The following CAMSAP3 variants were observed in gnomAD, a reference collection of about 807,000 sequenced individuals.
The protein encoded by CAMSAP3 is calmodulin-regulated spectrin-associated protein 3.
In CAMSAP3, 34 loss-of-function variants were observed where a neutral mutation model predicts 112.5. The ratio of observed to expected loss-of-function variants is 0.30; its 90% CI spans 0.23 to 0.40. CAMSAP3 has a LOEUF of 0.40. Among genes scored for constraint, CAMSAP3 ranks in the 10% least tolerant of loss-of-function variants. CAMSAP3 has a pLI of 1.00. For missense variants in CAMSAP3, 1,602 were observed against 1,770.3 expected (o/e 0.90, Z 1.71); for synonymous variants, 868 against 799.8 (o/e 1.09, Z -1.44).
In CAMSAP3 at chr19:7,610,710, T is replaced by C; in HGVS notation, c.911T>C (p.Val304Ala). The C allele has an allele frequency of 6.2e-7, 1 of 1,613,924 alleles. No individual in the cohort carries two copies. Among genetic ancestry groups the C allele is most frequent in the Non-Finnish European group, 8.5e-7 (1 of 1,179,968 alleles). Residue 304 changes from valine to alanine, a missense_variant, in exon 7 of 17, where the codon GTG (valine) becomes GCG (alanine). This residue lies in a region of CAMSAP3 where 58 missense variants were observed against 108.4 expected (regional missense o/e 0.54). Transcript: ENST00000160298. The surrounding 1 kb of genome is among the most constrained non-coding windows in gnomAD (Gnocchi z 4.9). Reference protein sequence around the residue: ...YVPPPLKVNLVVMLAELFMCF... With the variant: ...YVPPPLKVNLAVMLAELFMCF... Reference sequence around the variant, plus strand: ...GCCTCCCACCTCCAGGTCAACTTGGTGGTGATGCTGGCCGAGTTGTTCATG... The same window carrying C: ...GCCTCCCACCTCCAGGTCAACTTGGCGGTGATGCTGGCCGAGTTGTTCATG...
At chr19:7,614,184 C>T (rs1217619089) in intron 11 of CAMSAP3, among the ~76,000 whole-genome samples, 2 of 137,548 alleles carry the variant, frequency 1.5e-5, no homozygotes, top group Non-Finnish European at 3.1e-5. Context: ...GGCGTGAACC[C>T]AGGAGGTGGA....
rs540252137 is a variant in CAMSAP3, at chr19:7,602,003, G to A, written c.149-3223G>A. Among the ~76,000 whole-genome samples the A allele has an allele frequency of 2.5e-4, 38 of 152,114 alleles. No homozygotes were observed. In the East Asian group the frequency reaches 6.0e-3, roughly 24 times the overall value. On this transcript the variant is annotated intron_variant, in intron 1 of 16. Coordinates refer to ENST00000160298, the MANE Select transcript of CAMSAP3 (RefSeq NM_020902.2). ...AGCTTGAACTTGGGAAGCAGAGGTC[G>A]CAGTGAGCCGAGATGGCACCACTGC... is the stretch of plus-strand genomic sequence containing the variant.
Position 7,606,376 on chromosome 19 carries a change from C to T in CAMSAP3, c.508C>T (p.Leu170Phe). The T allele has an allele frequency of 6.2e-7, 1 of 1,613,676 alleles. No individual in the cohort carries two copies. The highest frequency in any genetic ancestry group is 8.5e-7 in the Non-Finnish European group (1 of 1,179,900). The change falls in exon 3 of 17, where the codon CTT becomes TTT. Residue 170 changes from leucine (L) to phenylalanine (F), a missense_variant. Coordinates refer to ENST00000160298, the MANE Select transcript of CAMSAP3 (RefSeq NM_020902.2). ...CCTGACCAGCTTGGAGCACAAGCTG[C>T]TTTTCTGGGTGGACACGGTAGGTGG... Reference protein sequence around the residue: ...LALTSLEHKLLFWVDTTVRRL... With the variant: ...LALTSLEHKLFFWVDTTVRRL...
rs1343700273 is a variant in CAMSAP3, at chr19:7,612,686, C to T, written c.2193C>T (p.Pro731=). Residue 731 remains proline, a synonymous_variant, in exon 11 of 17, where the codon CCC becomes CCT. Transcript: ENST00000160298. The part of the protein sequence containing the change: ...TDQQQRLLAP[P]EAPGSAPPPA... ...AGCAGCAGCGGCTCCTGGCCCCGCC[C>T]GAGGCCCCCGGATCCGCCCCACCAC... is the stretch of plus-strand genomic sequence containing the variant. The T allele has an allele frequency of 5.3e-6, 8 of 1,512,738 alleles. No homozygotes were observed. The highest frequency in any genetic ancestry group is 7.1e-6 in the Non-Finnish European group (8 of 1,133,030). 93.7% of individuals were successfully genotyped at this position (1,512,738 alleles called of 1,614,324 possible).
Position 7,618,211 on chromosome 19 carries a change from T to G in CAMSAP3, c.*154T>G. ...TCTGACTTTGAGTCCAGTCCTGCTGTGGGGGCTGAGCTGGGAGGTTCAGGG... is the reference window on the plus strand; with the variant it reads ...TCTGACTTTGAGTCCAGTCCTGCTGGGGGGGCTGAGCTGGGAGGTTCAGGG... On this transcript the variant is annotated 3_prime_UTR_variant, in exon 17 of 17. Transcript: ENST00000160298. 1.2e-6 allele frequency: 1 copy of G among 810,226 alleles called. No homozygotes were observed. Among genetic ancestry groups the G allele is most frequent in the South Asian group, 1.8e-5 (1 of 55,170 alleles). The allele number at this position is 810,226 out of a possible 1,614,324, so 50.2% of individuals were successfully genotyped here.
Position 7,605,499 on chromosome 19 carries a change from G to C in CAMSAP3, c.402+20G>C, listed in dbSNP as rs539673453. 3 of 1,449,414 alleles carry C rather than the reference G, an allele frequency of 2.1e-6. No homozygotes were observed. Among genetic ancestry groups the C allele is most frequent in the Non-Finnish European group, 2.7e-6 (3 of 1,101,916 alleles). 89.8% of individuals were successfully genotyped at this position (1,449,414 alleles called of 1,614,324 possible). On this transcript the variant is annotated intron_variant, in intron 2 of 16. Transcript: ENST00000160298. ...CTCATGGTAGGCCCCGCCACTGCCTGTTAGACCACGCCTACCATGCTCAGC... is the reference window on the plus strand; with the variant it reads ...CTCATGGTAGGCCCCGCCACTGCCTCTTAGACCACGCCTACCATGCTCAGC...
At chr19:7,596,180 G>A (rs1305795217) in intron 1 of CAMSAP3, 30 bp downstream of exon 1, 2 of 172,672 alleles carry the variant, frequency 1.2e-5, no homozygotes, top group Non-Finnish European at 2.2e-5. Flanking sequence ...CGGGGTCGGG[G>A]GCGGCGGGCC....
chr19:7,610,240 C>T lies in CAMSAP3; in HGVS notation c.761-236C>T, dbSNP rs2030405008. Among the ~76,000 whole-genome samples, 1 of 151,910 alleles carries T rather than the reference C, an allele frequency of 6.6e-6. No individual in the cohort carries two copies. Among genetic ancestry groups the T allele is most frequent in the African/African-American group, 2.4e-5 (1 of 41,328 alleles). On this transcript the variant is annotated intron_variant, in intron 5 of 16. Transcript: ENST00000160298. This position sits in a 1 kb window ranked among gnomAD's most constrained non-coding sequence, Gnocchi z 4.9. ...GGCTGAGGTGGGAGAATCACTTGAA[C>T]CCGGGAGGCAGAGGTTGCAGTGAGC...
At position 7,617,766 on chromosome 19, in the gene CAMSAP3, C is replaced by T. The variant is rs1351528871; in HGVS notation, c.3459C>T (p.Ser1153=). ...KNRILEEIEK[S]KANHFLILFR... is the part of the protein sequence containing the mutation. The stretch of plus-strand genomic sequence containing the variant: ...CTCCTGCCCAGGAAATTGAGAAAAG[C>T]AAGGCCAACCACTTCCTGATCCTCT... Residue 1153 remains serine, a synonymous_variant, in exon 17 of 17, where the codon AGC becomes AGT. Coordinates refer to ENST00000160298, the MANE Select transcript of CAMSAP3 (RefSeq NM_020902.2). This position sits in a 1 kb window ranked among gnomAD's most constrained non-coding sequence, Gnocchi z 7.5. The T allele has an allele frequency of 1.9e-6, 3 of 1,612,024 alleles. No homozygotes were observed. In the South Asian group the frequency reaches 3.3e-5, roughly 18 times the overall value.
rs2030704882 is a variant in CAMSAP3, at chr19:7,615,076, G to A, written c.2671-107G>A. 3 of 1,379,116 alleles carry A rather than the reference G, an allele frequency of 2.2e-6. No individual in the cohort carries two copies. The highest frequency in any genetic ancestry group is 2.9e-5 in the African/African-American group (2 of 69,750). 85.4% of individuals were successfully genotyped at this position (1,379,116 alleles called of 1,614,324 possible). ...AACTAAGTGCATTTAGAACAATGATGAAAACAAAAGCACAGGTGGGTGGCG... is the reference window on the plus strand; with the variant it reads ...AACTAAGTGCATTTAGAACAATGATAAAAACAAAAGCACAGGTGGGTGGCG... On this transcript the variant is annotated intron_variant, in intron 11 of 16. Coordinates refer to ENST00000160298, the MANE Select transcript of CAMSAP3 (RefSeq NM_020902.2). This position sits in a 1 kb window ranked among gnomAD's most constrained non-coding sequence, Gnocchi z 6.5.
At position 7,615,675 on chromosome 19, in the gene CAMSAP3, G is replaced by A. The variant is rs2030746643; in HGVS notation, c.3068G>A (p.Cys1023Tyr). The change falls in exon 13 of 17, where the codon TGT becomes TAT. Residue 1023 changes from cysteine to tyrosine, a missense_variant. Physicochemically the swap from Cys to Tyr is radical, Grantham distance 194. Around this residue, in one of 6 missense-constraint regions of CAMSAP3, gnomAD observed 1,100 missense variants for 1,135.7 expected, o/e 0.97. Transcript: ENST00000160298. This position sits in a 1 kb window ranked among gnomAD's most constrained non-coding sequence, Gnocchi z 6.5. ...RRATRPRSGC[C>Y]DDSALARSPA... is the part of the protein sequence containing the mutation. Reference sequence around the variant, plus strand: ...GCCACCCGGCCTCGCTCGGGTTGCTGTGACGACTCAGCCCTGGCACGAAGC... The same window carrying A: ...GCCACCCGGCCTCGCTCGGGTTGCTATGACGACTCAGCCCTGGCACGAAGC... The A allele has an allele frequency of 7.0e-7, 1 of 1,427,016 alleles. No homozygotes were observed. The allele number at this position is 1,427,016 out of a possible 1,614,324, so 88.4% of individuals were successfully genotyped here.
chr19:7,605,914 C>T (rs556488171), intron 2 of CAMSAP3, among the ~76,000 whole-genome samples: 5 of 151,854 alleles, frequency 3.3e-5, no homozygotes, highest in African/African-American at 1.2e-4. Context: ...GCTCTTCCCC[C>T]CAGCCCTGGC....
Position 7,611,384 on chromosome 19 carries a change from C to A in CAMSAP3, c.1124-133C>A. ...CCCGGGTATCTGTTTCTGGAAACCT[C>A]TGGTCTCACTAGACCACATAATGAG... On this transcript the variant is annotated intron_variant, in intron 9 of 16. Transcript: ENST00000160298. This position sits in a 1 kb window ranked among gnomAD's most constrained non-coding sequence, Gnocchi z 6.9. 1 of 949,172 alleles carries A rather than the reference C, an allele frequency of 1.1e-6. No individual in the cohort carries two copies. 58.8% of individuals were successfully genotyped at this position (949,172 alleles called of 1,614,324 possible). A position where few individuals can be genotyped will look rare whatever the true frequency, so the allele number is the denominator to read the frequency against.
At chr19:7,616,710 G>A in intron 14 of CAMSAP3, 88 bp downstream of exon 14, 1 of 930,304 alleles carries the variant, frequency 1.1e-6, no homozygotes, top group South Asian at 1.3e-5. Flanking sequence ...GAACCTAGAG[G>A]GCGGTATGGC....
At chr19:7,596,851 C>G (rs532895306) in intron 1 of CAMSAP3, among the ~76,000 whole-genome samples, 1 of 152,268 alleles carries the variant, frequency 6.6e-6, no homozygotes, top group Non-Finnish European at 1.5e-5. Context: ...GTGGGCCCCC[C>G]GCTCCTCCCG....
rs1386814309 is a variant in CAMSAP3, at chr19:7,617,596, A to G, written c.3379A>G (p.Asn1127Asp). Residue 1127 changes from asparagine (N) to aspartate (D), a missense_variant, in exon 16 of 17, where the codon AAT becomes GAT. By Grantham distance (23) the Asn-to-Asp change is conservative. Around this residue, in one of 6 missense-constraint regions of CAMSAP3, gnomAD observed 150 missense variants for 207.6 expected, o/e 0.72. Transcript: ENST00000160298. This position sits in a 1 kb window ranked among gnomAD's most constrained non-coding sequence, Gnocchi z 7.5. ...SAKSNKFIIH[N>D]ALSHCCLAGK... ...CAAGTCCAACAAGTTCATCATCCAC[A>G]ATGCCCTATCACACTGCTGCCTGGC... is the stretch of plus-strand genomic sequence containing the variant. 1 of 1,614,070 alleles carries G rather than the reference A, an allele frequency of 6.2e-7. No individual in the cohort carries two copies. The highest frequency in any genetic ancestry group is 1.7e-5 in the Admixed American group (1 of 60,018).
At chr19:7,608,343 C>A in intron 5 of CAMSAP3, 79 bp downstream of exon 5, 1 of 1,517,706 alleles carries the variant, frequency 6.6e-7, no homozygotes, top group Admixed American at 2.0e-5. Context: ...CCTCCATCCC[C>A]AGGTCCGCGA....
chr19:7,606,167 C>CCCCCCCCA, intron 2 of CAMSAP3, 104 bp from the exon 3 acceptor site: 3 of 841,178 alleles, frequency 3.6e-6, no homozygotes, highest in South Asian at 1.7e-5. Context: ...CCCCCCCCGT[C>CCCCCCCCA]AAGTCCCTCC....
chr19:7,615,376 A>G lies in CAMSAP3; in HGVS notation c.2811-42A>G. The G allele has an allele frequency of 6.5e-7, 1 of 1,533,516 alleles. No homozygotes were observed. Among genetic ancestry groups the G allele is most frequent in the Non-Finnish European group, 8.8e-7 (1 of 1,138,000 alleles). 95.0% of individuals were successfully genotyped at this position (1,533,516 alleles called of 1,614,324 possible). ...CTCCTTGGCCTGTCTGCCACCGCGGACCCCGTGAGCGGTTCTGATGCCGAT... is the reference window on the plus strand; with the variant it reads ...CTCCTTGGCCTGTCTGCCACCGCGGGCCCCGTGAGCGGTTCTGATGCCGAT... On this transcript the variant is annotated intron_variant, in intron 12 of 16. Transcript: ENST00000160298. This position sits in a 1 kb window ranked among gnomAD's most constrained non-coding sequence, Gnocchi z 6.5.
Sources: gnomAD v4.1 joint callset for allele counts (sites outside exome capture counted in the v4.1 genomes callset) on GRCh38, gnomAD v4.1.1 for gene constraint, gnomAD v4.1.1 regional missense constraint, Gnocchi (gnomAD v3.1) non-coding constraint, MANE v1.5 for transcripts, NCBI Gene and HGNC (gene_info 2026-07-23, HGNC 2026-07-21) for gene names.